ZPR1: variants seen among roughly 807,000 people sequenced by gnomAD.
The protein encoded by ZPR1 is zinc finger protein ZPR1.
In ZPR1, 37 loss-of-function variants were observed where a neutral mutation model predicts 59.6. The ratio of observed to expected loss-of-function variants is 0.62; its 90% confidence interval spans 0.48 to 0.82. The LOEUF is 0.82. Ranked by LOEUF, ZPR1 falls within the 40% of genes least tolerant of loss-of-function variation. ZPR1 has a pLI of 0.00. For missense variants in ZPR1, 527 were observed against 579.9 expected (o/e 0.91, Z 0.94); for synonymous variants, 191 against 215.2 (o/e 0.89, Z 0.99).
intron 12 of ZPR1, among the ~76,000 whole-genome samples, chr11:116,781,742 G>A (rs938973949): frequency 6.6e-6 from 1 of 152,210 alleles, no homozygotes; most frequent in African/African-American, 2.4e-5. Flanking sequence ...GCCAGGTGCG[G>A]TGGCTCACGC....
rs1030604796 is a variant in ZPR1 at position 116,774,162 on chromosome 11, G to A, written c.*4763C>T. 3.3e-5 allele frequency: 5 copies of A among 152,136 alleles called. No homozygotes were observed. The highest frequency in any genetic ancestry group is 7.4e-5 in the Non-Finnish European group (5 of 68,024). The allele number at this position is 152,136 out of a possible 1,614,324, so 9.4% of individuals were successfully genotyped here. On this transcript the variant is annotated 3_prime_UTR_variant, in exon 14 of 14. Coordinates refer to ENST00000227322, the MANE Select transcript of ZPR1 (RefSeq NM_003904.5). ...ATGACTGGATATAATTATACATTGT[G>A]TAATGATTACCAAAATCAAATTAAG...
chr11:116,783,109 AGCAGTGATAGACTGCGGACAAGG>A (rs1940833347), intron 10 of ZPR1, 80 bp from the exon 11 acceptor site: 1 of 1,038,322 alleles, frequency 9.6e-7, no homozygotes, highest in Admixed American at 1.8e-5. Flanking sequence ...AATTAATACC[AGCAGTGATAGACTGCGGACAAGG>A]GCAGCTGTCT....
At chr11:116,782,338 G>C (rs1805621121) in intron 11 of ZPR1, 94 bp from the exon 12 acceptor site, 1 of 1,105,274 alleles carries the variant, frequency 9.0e-7, no homozygotes, top group African/African-American at 1.5e-5. Flanking sequence ...TGGGTGCCCT[G>C]TCAGGGAAAC....
intron 6 of ZPR1, 31 bp downstream of exon 6, chr11:116,785,483 A>G: frequency 1.2e-6 from 2 of 1,609,556 alleles, no homozygotes; most frequent in Non-Finnish European, 1.7e-6. Context: ...ATAATTCCAG[A>G]GCATTCTTCT....
rs753548305 is a variant in ZPR1, at chr11:116,784,855, G to A, written c.820C>T (p.Gln274Ter). 2.2e-5 allele frequency: 35 copies of A among 1,614,062 alleles called. No homozygotes were observed. The highest frequency in any genetic ancestry group is 2.5e-5 in the Non-Finnish European group (29 of 1,180,044). ...APAQTNMKLV[Q>*]IPHFKEVIIM... ...AACCCAACTGCTTGGCAAAAGATAC[G>A]TACTAGCTTCATGTTGGTCTGAGCG... The change falls in exon 8 of 14, where the codon CAA (glutamine) becomes TAA (stop). Residue 274 changes from glutamine to a stop codon, truncating the protein, a stop_gained and splice_region_variant. Transcript: ENST00000227322. LOFTEE classifies it high-confidence loss of function.
rs558047272 is a variant in ZPR1 at position 116,787,009 on chromosome 11, A to T, written c.384T>A (p.Pro128=). Residue 128 remains proline, a synonymous_variant, in exon 3 of 14, where the codon CCT becomes CCA. Transcript: ENST00000227322. Reference sequence around the variant, plus strand: ...AGGCAGGAATTTCAAAATCTAGCTCAGGAATCCTTGTGGCAGCAGAGTCAG... The same window carrying T: ...AGGCAGGAATTTCAAAATCTAGCTCTGGAATCCTTGTGGCAGCAGAGTCAG... ...VKTDSAATRI[P]ELDFEIPAFS... 1 of 1,614,104 alleles carries T rather than the reference A, an allele frequency of 6.2e-7. No homozygotes were observed. Among genetic ancestry groups the T allele is most frequent in the South Asian group, 1.1e-5 (1 of 91,080 alleles).
chr11:116,780,700 C>T (rs1473543173), intron 12 of ZPR1, among the ~76,000 whole-genome samples: 1 of 152,150 alleles, frequency 6.6e-6, no homozygotes, highest in Non-Finnish European at 1.5e-5. Flanking sequence ...GCATTGGAGG[C>T]CACCTCAGCA....
intron 11 of ZPR1, among the ~76,000 whole-genome samples, chr11:116,782,610 G>GT (rs1192332631): frequency 6.6e-6 from 1 of 152,200 alleles, no homozygotes; most frequent in Admixed American, 6.5e-5. Context: ...ATACATGTAT[G>GT]TTTTTTATGT....
chr11:116,783,049 T>A lies in ZPR1; in HGVS notation c.982-20A>T. The A allele has an allele frequency of 6.3e-7, 1 of 1,598,430 alleles. No homozygotes were observed. The highest frequency in any genetic ancestry group is 8.6e-7 in the Non-Finnish European group (1 of 1,165,720). ...CTCAGACTGTGAAATGAGAGGTCAGTTTAAGCTTTAAGTCAGAAGCAAAGA... is the reference window on the plus strand; with the variant it reads ...CTCAGACTGTGAAATGAGAGGTCAGATTAAGCTTTAAGTCAGAAGCAAAGA... On this transcript the variant is annotated intron_variant, in intron 10 of 13. Transcript: ENST00000227322.
At position 116,787,526 on chromosome 11, in the gene ZPR1, G is replaced by A; in HGVS notation, c.289C>T (p.Gln97Ter). The change falls in exon 2 of 14, where the codon CAG (glutamine) becomes TAG (stop). Residue 97 changes from glutamine to a stop codon, truncating the protein, a stop_gained. Transcript: ENST00000227322. LOFTEE classifies it high-confidence loss of function. The part of the protein sequence containing the change: ...NTEIQSAGRI[Q>*]DQGVRYTLSV... ...AAAGTGTAGCGCACTCCCTGGTCCTGGATCCTGCCTGCCGACTGGATCTCC... is the reference window on the plus strand; with the variant it reads ...AAAGTGTAGCGCACTCCCTGGTCCTAGATCCTGCCTGCCGACTGGATCTCC... 6.2e-7 allele frequency: 1 copy of A among 1,614,172 alleles called. No homozygotes were observed. The highest frequency in any genetic ancestry group is 8.5e-7 in the Non-Finnish European group (1 of 1,180,026).
At position 116,777,241 on chromosome 11, in the gene ZPR1, A is replaced by C. The variant is rs538742366; in HGVS notation, c.*1684T>G. 8.5e-5 allele frequency: 13 copies of C among 152,388 alleles called. No individual in the cohort carries two copies. The highest frequency in any genetic ancestry group is 2.9e-4 in the African/African-American group (12 of 41,596). The allele number at this position is 152,388 out of a possible 1,614,324, so 9.4% of individuals were successfully genotyped here. A position where few individuals can be genotyped will look rare whatever the true frequency, so the allele number is the denominator to read the frequency against. On this transcript the variant is annotated 3_prime_UTR_variant, in exon 14 of 14. Transcript: ENST00000227322. ...GTTAAGAAGAGATGGTCCACTATCA[A>C]ATGTGACAGAAATAGATAACACTTT...
chr11:116,779,079 C>A lies in ZPR1; in HGVS notation c.1246-20G>T. The stretch of plus-strand genomic sequence containing the variant: ...CACATTCTGCAAGGTCAAGGAGAGA[C>A]AATCAGTGCCGCTGTGCCACTCCCC... On this transcript the variant is annotated intron_variant, in intron 13 of 13. Transcript: ENST00000227322. The A allele has an allele frequency of 6.2e-7, 1 of 1,613,040 alleles. No homozygotes were observed. Among genetic ancestry groups the A allele is most frequent in the Non-Finnish European group, 8.5e-7 (1 of 1,179,512 alleles).
At chr11:116,785,671 G>C in intron 5 of ZPR1, 35 bp from the exon 6 acceptor site, 1 of 1,613,728 alleles carries the variant, frequency 6.2e-7, no homozygotes, top group Non-Finnish European at 8.5e-7. Flanking sequence ...CACTGCAAAA[G>C]AAAATCATAA....
chr11:116,787,402 G>A (rs1940903872), intron 2 of ZPR1, 80 bp downstream of exon 2: 2 of 1,462,920 alleles, frequency 1.4e-6, no homozygotes, highest in African/African-American at 1.4e-5. Context: ...TTTAAGATCC[G>A]ACCGCCTGGA....
chr11:116,784,631 A>G, intron 8 of ZPR1, 183 bp from the exon 9 acceptor site: 1 of 811,348 alleles, frequency 1.2e-6, no homozygotes, highest in South Asian at 1.5e-5. Context: ...CCCTGTTCAC[A>G]CATTTGAAGG....
At position 116,785,655 on chromosome 11, in the gene ZPR1, G is replaced by C. The variant is rs776795600; in HGVS notation, c.583-19C>G. ...CAATGATCTAACAAATGGGAGAAGA[G>C]AGAGTCACTGCAAAAGAAAATCATA... On this transcript the variant is annotated intron_variant, in intron 5 of 13. Transcript: ENST00000227322. 3.7e-6 allele frequency: 6 copies of C among 1,613,740 alleles called. No individual in the cohort carries two copies. The African/African-American group carries it at 6.7e-5, about 18-fold the overall frequency.
chr11:116,780,544 T>C (rs925640850), intron 12 of ZPR1, among the ~76,000 whole-genome samples: 1 of 151,666 alleles, frequency 6.6e-6, no homozygotes, highest in Non-Finnish European at 1.5e-5. Flanking sequence ...TTATTTTAGA[T>C]CCTTTCCCCT....
chr11:116,787,644 C>G lies in ZPR1; in HGVS notation c.172-1G>C. 1.2e-6 allele frequency: 2 copies of G among 1,608,656 alleles called. No homozygotes were observed. The highest frequency in any genetic ancestry group is 1.7e-6 in the Non-Finnish European group (2 of 1,175,510). On this transcript the variant is annotated splice_acceptor_variant, in intron 1 of 13. Transcript: ENST00000227322. LOFTEE classifies it high-confidence loss of function. The stretch of plus-strand genomic sequence containing the variant: ...TGGTGAGCAGGAGGCGCGTCATGCC[C>G]TGGTGAAGTAGAAAGTAGCTAAGGA...
intron 12 of ZPR1, among the ~76,000 whole-genome samples, chr11:116,780,053 T>C (rs759437851): frequency 1.3e-5 from 2 of 150,300 alleles, no homozygotes; most frequent in African/African-American, 4.9e-5. Context: ...TAAATATATA[T>C]ATAAATAAAA....
Sources: allele counts gnomAD v4.1 joint callset (sites outside exome capture counted in the v4.1 genomes callset), GRCh38; gene constraint gnomAD v4.1.1; transcripts MANE v1.5; gene names NCBI Gene and HGNC (gene_info 2026-07-23, HGNC 2026-07-21).